NELL2: variants seen among roughly 807,000 people sequenced by gnomAD.
The protein encoded by NELL2 is neural EGFL like 2, also known as protein kinase C-binding protein NELL2.
NELL2 carries 41 observed loss-of-function variants against 109.6 expected under a neutral mutation model. The ratio of observed to expected loss-of-function variants is 0.37; its 90% CI spans 0.29 to 0.49. NELL2 has a LOEUF of 0.49. NELL2 is among the 20% of genes least tolerant of loss of function. The probability of loss-of-function intolerance (pLI) is 0.98; values close to 1 mark genes in which losing one functional copy is unlikely to be tolerated. For synonymous variants in NELL2, 355 were observed against 344.7 expected (o/e 1.03, Z -0.33); for missense variants, 900 against 1,008.3 (o/e 0.89, Z 1.45).
intron 9 of NELL2, among the ~76,000 whole-genome samples, chr12:44,738,282 C>G (rs1350970469): frequency 6.6e-6 from 1 of 152,102 alleles, no homozygotes; most frequent in Non-Finnish European, 1.5e-5. Context: ...GAACATAGAT[C>G]TAGCAATACC....
intron 12 of NELL2, among the ~76,000 whole-genome samples, chr12:44,680,484 T>A (rs1031216254): frequency 1.3e-5 from 2 of 152,166 alleles, no homozygotes; most frequent in African/African-American, 4.8e-5. Flanking sequence ...AATTTAAAAA[T>A]GTAATTAAAG....
At chr12:44,753,277 A>C (rs10880667) in intron 9 of NELL2, among the ~76,000 whole-genome samples, 104,670 of 151,900 alleles carry the variant, frequency 0.69, 36,397 homozygotes, top group Non-Finnish European at 0.74. Context: ...CCACCCTCAG[A>C]GGGTAAGCTC....
At chr12:44,879,818 G>A (rs566732844), upstream of NELL2, among the ~76,000 whole-genome samples, 4 of 151,976 alleles carry the variant, frequency 2.6e-5, no homozygotes, top group Admixed American at 6.5e-5. Flanking sequence ...CCAGCTGCAC[G>A]TGCCCTTGTG....
chr12:44,780,146 A>T (rs1941902856), intron 3 of NELL2, 124 bp from the exon 4 acceptor site: 1 of 942,574 alleles, frequency 1.1e-6, no homozygotes, highest in East Asian at 2.5e-5. Context: ...ACAACTAGAC[A>T]TCATATACAA....
intron 2 of NELL2, among the ~76,000 whole-genome samples, chr12:44,849,395 G>GA (rs1944466423): frequency 6.6e-6 from 1 of 152,072 alleles, no homozygotes; most frequent in African/African-American, 2.4e-5. Flanking sequence ...TTCACAAATA[G>GA]AAAATATATA....
chr12:44,734,312 A>G (rs1200105791), intron 9 of NELL2, among the ~76,000 whole-genome samples: 2 of 151,854 alleles, frequency 1.3e-5, no homozygotes, highest in African/African-American at 4.8e-5. Flanking sequence ...TGCATGGTCT[A>G]TATTTTACTG....
At chr12:44,824,118 A>G (rs958784124) in intron 2 of NELL2, among the ~76,000 whole-genome samples, 66 of 152,256 alleles carry the variant, frequency 4.3e-4, no homozygotes, top group African/African-American at 1.5e-3. Context: ...CGAATTTCTT[A>G]TATATTTTGG....
chr12:44,733,164 G>C (rs985650807), intron 9 of NELL2, among the ~76,000 whole-genome samples: 1 of 151,846 alleles, frequency 6.6e-6, no homozygotes, highest in Non-Finnish European at 1.5e-5. Flanking sequence ...TCAAAAAATT[G>C]AAAATAAAAC....
At chr12:44,899,564 G>A (rs1417743708) in intron 1 of NELL2, among the ~76,000 whole-genome samples, 1 of 152,188 alleles carries the variant, frequency 6.6e-6, no homozygotes, top group Non-Finnish European at 1.5e-5. Flanking sequence ...AGCAAATGCT[G>A]AGAGATTTTG....
chr12:44,695,639 T>C (rs1168984833), intron 12 of NELL2, among the ~76,000 whole-genome samples: 4 of 151,938 alleles, frequency 2.6e-5, no homozygotes, highest in Non-Finnish European at 4.4e-5. Context: ...TGAAGACAGA[T>C]GACATGAATT....
intron 16 of NELL2, 172 bp from the exon 17 acceptor site, chr12:44,523,656 G>T (rs1941639985): frequency 1.7e-6 from 1 of 594,400 alleles, no homozygotes; most frequent in Non-Finnish European, 2.9e-6. Flanking sequence ...ATGATCTGGG[G>T]ATTTCACAGG....
chr12:44,519,125 A>G (rs1336586741), intron 19 of NELL2, among the ~76,000 whole-genome samples: 1 of 152,216 alleles, frequency 6.6e-6, no homozygotes, highest in Non-Finnish European at 1.5e-5. Flanking sequence ...CAAAATGGAA[A>G]TGCTCACTTA....
chr12:44,671,035 G>A (rs1014091609), intron 12 of NELL2, among the ~76,000 whole-genome samples: 9 of 152,112 alleles, frequency 5.9e-5, no homozygotes, highest in African/African-American at 1.7e-4. Context: ...GATAGAACAC[G>A]TTAGGCCACA....
chr12:44,878,633 C>T (rs1368389100), upstream of NELL2, among the ~76,000 whole-genome samples: 1 of 152,046 alleles, frequency 6.6e-6, no homozygotes, highest in Non-Finnish European at 1.5e-5. Flanking sequence ...AATTGGTATT[C>T]TAGGGAATAC....
At chr12:44,573,190 G>C (rs1348458630) in intron 15 of NELL2, among the ~76,000 whole-genome samples, 1 of 152,174 alleles carries the variant, frequency 6.6e-6, no homozygotes, top group Non-Finnish European at 1.5e-5. Context: ...TCAAGCCATA[G>C]GAAATTATGG....
rs557901776 is a variant in NELL2, at chr12:44,606,979, G to C, written c.1663+190C>G. 2.6e-4 allele frequency among the ~76,000 whole-genome samples: 40 copies of C among 152,222 alleles called. 1 individual carries two copies. In the South Asian group the frequency reaches 7.7e-3, roughly 29 times the overall value. On this transcript the variant is annotated intron_variant, in intron 15 of 19. Transcript: ENST00000429094. ...TTATAATAGCTGCAAAACCTTTTTA[G>C]AGTGACTTTGGGGAATCGCCCAGCG...
At chr12:44,688,291 T>A (rs561142865) in intron 12 of NELL2, among the ~76,000 whole-genome samples, 2 of 152,346 alleles carry the variant, frequency 1.3e-5, no homozygotes, top group South Asian at 4.1e-4. Flanking sequence ...GACAATATCA[T>A]TATACAGACT....
chr12:44,827,287 C>T (rs555805126), intron 2 of NELL2, among the ~76,000 whole-genome samples: 2 of 152,080 alleles, frequency 1.3e-5, no homozygotes, highest in East Asian at 1.9e-4. Context: ...AGCACTTATC[C>T]TTTGTGTTAT....
upstream of NELL2, among the ~76,000 whole-genome samples, chr12:44,917,585 G>A (rs1038342284): frequency 3.9e-5 from 6 of 152,136 alleles, no homozygotes; most frequent in Admixed American, 2.0e-4. Flanking sequence ...CCCATTGAAC[G>A]TATGTGAGGC....
Sources: allele counts gnomAD v4.1 joint callset (sites outside exome capture counted in the v4.1 genomes callset), GRCh38; gene constraint gnomAD v4.1.1; transcripts MANE v1.5; gene names NCBI Gene and HGNC (gene_info 2026-07-23, HGNC 2026-07-21).